The following TTC3 variants were observed in gnomAD, a reference collection of about 807,000 sequenced individuals.
TTC3 encodes the protein E3 ubiquitin-protein ligase TTC3.
Under a neutral mutation model 249.6 loss-of-function variants are expected in TTC3, and 180 were observed. That is an observed-to-expected ratio of 0.72 (90% confidence interval 0.64 to 0.82). The LOEUF (loss-of-function observed/expected upper bound fraction) is 0.82. TTC3 is among the 40% of genes least tolerant of loss of function. The probability of loss-of-function intolerance (pLI) is 0.00; values close to 1 mark genes in which losing one functional copy is unlikely to be tolerated. For missense variants in TTC3, 2,061 were observed against 2,398.4 expected, an observed-to-expected ratio of 0.86 and a Z score of 2.94; for synonymous variants, 717 against 805.0, an observed-to-expected ratio of 0.89 and a Z score of 1.85.
At chr21:37,076,594 A>G (rs1351639925) in intron 1 of TTC3, among the ~76,000 whole-genome samples, 1 of 151,854 alleles carries the variant, frequency 6.6e-6, no homozygotes, top group African/African-American at 2.4e-5. Context: ...TTGTGTTTCT[A>G]ACATTGCACT....
chr21:37,182,845 A>T, exon 36 of TTC3: 1 of 1,596,876 alleles, frequency 6.3e-7, no homozygotes, highest in Non-Finnish European at 8.5e-7. Flanking sequence ...AACAGGAAAA[A>T]AAAGAAATCC....
intron 21 of TTC3, 93 bp downstream of exon 21, chr21:37,144,738 C>T (rs2078834986): frequency 7.0e-7 from 1 of 1,438,400 alleles, no homozygotes; most frequent in South Asian, 1.4e-5. Flanking sequence ...TAGGAGCATT[C>T]CATCCCCACC....
rs575977957 is a variant in TTC3, at chr21:37,190,228, G to A, written c.5025-1106G>A. Among the ~76,000 whole-genome samples the A allele has an allele frequency of 8.0e-5, 10 of 124,636 alleles. No individual in the cohort carries two copies. The South Asian group carries it at 2.2e-3, about 28-fold the overall frequency. The allele number at this position is 124,636 out of a possible 152,430, so 81.8% of individuals were successfully genotyped here. On this transcript the variant is annotated intron_variant, in intron 39 of 45. Transcript: ENST00000355666. ...GTGATCTCGGCTCACTGCAACCTCC[G>A]CCTCCTGGGTTCAAGTGATTCTCCT...
rs149804705 is a variant in TTC3, at chr21:37,166,127, C to A, written c.3913C>A (p.Pro1305Thr). ...CAAACCGGTTCTTGAGGATGTGAAA[C>A]CAACTTATTGGGCTCAATCCCATTT... The change falls in exon 33 of 46, where the codon CCA (proline) becomes ACA (threonine). Residue 1305 changes from proline (P) to threonine (T), a missense_variant. By Grantham distance (38) the Pro-to-Thr change is conservative. Coordinates refer to ENST00000355666, the Ensembl canonical transcript of TTC3. 4.5e-4 allele frequency: 720 copies of A among 1,614,150 alleles called. No homozygotes were observed. The African/African-American group carries it at 7.0e-3, about 16-fold the overall frequency.
chr21:37,092,405 A>G (rs2073389873), intron 7 of TTC3, among the ~76,000 whole-genome samples: 1 of 152,222 alleles, frequency 6.6e-6, no homozygotes, highest in South Asian at 2.1e-4. Context: ...CTTAATTATA[A>G]GCTAGATTTT....
Position 37,188,487 on chromosome 21 carries a change from A to C in TTC3, c.4924-8A>C. ...AAAATACTCATATGTCTTCTGATCT[A>C]CTGGCAGGTATCCGTACTTGAAAAC... On this transcript the variant is annotated splice_polypyrimidine_tract_variant and splice_region_variant and intron_variant, in intron 38 of 45. Transcript: ENST00000355666. 1 of 1,609,466 alleles carries C rather than the reference A, an allele frequency of 6.2e-7. No individual in the cohort carries two copies. The highest frequency in any genetic ancestry group is 8.5e-7 in the Non-Finnish European group (1 of 1,176,272).
At chr21:37,116,186 G>T (rs1489905299) in intron 11 of TTC3, among the ~76,000 whole-genome samples, 1 of 152,172 alleles carries the variant, frequency 6.6e-6, no homozygotes, top group Admixed American at 6.5e-5. Flanking sequence ...CTTAGTGATT[G>T]AATGAATCAA....
At chr21:37,142,588 A>G (rs544700870) in intron 20 of TTC3, among the ~76,000 whole-genome samples, 2 of 152,318 alleles carry the variant, frequency 1.3e-5, no homozygotes, top group South Asian at 4.1e-4. Context: ...TGCTCAATGA[A>G]ATAAAAGAGG....
intron 44 of TTC3, among the ~76,000 whole-genome samples, 197 bp downstream of exon 44, chr21:37,198,222 G>A (rs973115504): frequency 3.3e-5 from 5 of 152,192 alleles, no homozygotes; most frequent in African/African-American, 9.7e-5. Flanking sequence ...GCTGTGATAC[G>A]TTTGGGCCCA....
At chr21:37,150,918 G>C (rs969052222) in intron 25 of TTC3, 34 bp downstream of exon 25, 1 of 1,443,568 alleles carries the variant, frequency 6.9e-7, no homozygotes, top group South Asian at 1.2e-5. Flanking sequence ...GTGGTTTGAT[G>C]ATGTCTCTTA....
chr21:37,098,056 C>G (rs998692198), intron 10 of TTC3: 6 of 638,832 alleles, frequency 9.4e-6, no homozygotes, highest in African/African-American at 7.3e-5. Context: ...CGTGGATAAA[C>G]CGAGGCTATC....
intron 35 of TTC3, among the ~76,000 whole-genome samples, chr21:37,181,854 C>CG (rs2082791921): frequency 6.6e-6 from 1 of 152,032 alleles, no homozygotes; most frequent in Non-Finnish European, 1.5e-5. Flanking sequence ...GAGAAGACCT[C>CG]GAGTTTCTAT....
At chr21:37,184,659 G>C (rs921914230) in intron 36 of TTC3, among the ~76,000 whole-genome samples, 1 of 146,630 alleles carries the variant, frequency 6.8e-6, no homozygotes, top group African/African-American at 2.5e-5. Flanking sequence ...AGTAGAGATG[G>C]GGTTTCACCA....
chr21:37,190,962 G>A (rs933271656), intron 39 of TTC3, among the ~76,000 whole-genome samples: 3 of 152,088 alleles, frequency 2.0e-5, no homozygotes, highest in African/African-American at 7.2e-5. Context: ...GGTTTGATTG[G>A]AATCTTTTGA....
chr21:37,180,069 A>G (rs1255773087), intron 35 of TTC3, among the ~76,000 whole-genome samples: 1 of 152,186 alleles, frequency 6.6e-6, no homozygotes, highest in Non-Finnish European at 1.5e-5. Flanking sequence ...CTTAAGTGTC[A>G]GGCTCTGTGC....
At chr21:37,183,173 C>T (rs1028982529) in intron 36 of TTC3, among the ~76,000 whole-genome samples, 4 of 152,212 alleles carry the variant, frequency 2.6e-5, no homozygotes, top group Non-Finnish European at 5.9e-5. Context: ...AAGGAACTGA[C>T]TTCCTTCCAG....
intron 42 of TTC3, 57 bp from the exon 43 acceptor site, chr21:37,197,513 T>G: frequency 6.2e-7 from 1 of 1,607,242 alleles, no homozygotes; most frequent in Non-Finnish European, 8.5e-7. Context: ...TGGCATGTAA[T>G]ATTTCTTAGC....
intron 41 of TTC3, among the ~76,000 whole-genome samples, chr21:37,194,216 G>A (rs1423506050): frequency 2.0e-5 from 3 of 152,152 alleles, no homozygotes; most frequent in Admixed American, 6.5e-5. Context: ...TCATGGCTTC[G>A]CTTTCCGTGG....
intron 10 of TTC3, among the ~76,000 whole-genome samples, chr21:37,105,021 G>T (rs1466848247): frequency 6.6e-6 from 1 of 152,202 alleles, no homozygotes. Flanking sequence ...CTGCCCAGGA[G>T]ATTATTAAGA....
Sources: gnomAD v4.1 joint callset for allele counts (sites outside exome capture counted in the v4.1 genomes callset) on GRCh38, gnomAD v4.1.1 for gene constraint, MANE v1.5 for transcripts, NCBI Gene and HGNC (gene_info 2026-07-23, HGNC 2026-07-21) for gene names.